C12orf54: variants seen among roughly 807,000 people sequenced by gnomAD.
C12orf54 encodes uncharacterized protein C12orf54.
C12orf54 carries 24 observed loss-of-function variants against 26.4 expected under a neutral mutation model. That is an observed-to-expected ratio of 0.91 (90% CI 0.66 to 1.28). The LOEUF is 1.28. C12orf54 is among the 50% of genes most tolerant of loss of function. C12orf54 has a pLI of 0.00. For missense variants in C12orf54, 154 were observed against 150.9 expected (o/e 1.02, Z -0.11); for synonymous variants, 54 against 47.0 (o/e 1.15, Z -0.61).
the C12orf54 span, among the ~76,000 whole-genome samples, chr12:48,430,703 A>G: frequency 6.6e-6 from 1 of 152,140 alleles, no homozygotes; most frequent in East Asian, 1.9e-4. Flanking sequence ...GCTGGCGGGA[A>G]TGTAAACTAG....
the C12orf54 span, among the ~76,000 whole-genome samples, chr12:48,441,016 A>T: frequency 2.6e-5 from 4 of 152,206 alleles, no homozygotes; most frequent in Non-Finnish European, 5.9e-5. Context: ...CATTGGTTCC[A>T]AATTCTAACA....
chr12:48,464,721 C>T, the C12orf54 span, among the ~76,000 whole-genome samples: 1 of 152,000 alleles, frequency 6.6e-6, no homozygotes, highest in African/African-American at 2.4e-5. Context: ...CAAAAACAGA[C>T]ACATAAACCA....
At chr12:48,473,372 G>T in the C12orf54 span, 9 of 1,052,282 alleles carry the variant, frequency 8.6e-6, no homozygotes, top group Admixed American at 8.0e-5. Flanking sequence ...GGGGTCAGAA[G>T]CGAAAATAAG....
chr12:48,448,709 A>G, the C12orf54 span, among the ~76,000 whole-genome samples: 10 of 152,322 alleles, frequency 6.6e-5, no homozygotes, highest in Middle Eastern at 3.4e-3. Flanking sequence ...GTTTAGTTGT[A>G]GAGGTGAGTG....
At chr12:48,449,236 G>A in the C12orf54 span, among the ~76,000 whole-genome samples, 2 of 152,052 alleles carry the variant, frequency 1.3e-5, no homozygotes, top group African/African-American at 2.4e-5. Context: ...GAGTGGGAAG[G>A]CCTGAAAGAA....
At chr12:48,486,443 G>A in intron 3 of C12orf54, 1 of 623,260 alleles carries the variant, frequency 1.6e-6, no homozygotes, top group Non-Finnish European at 2.9e-6. Context: ...TTGAAAAGAT[G>A]GTAAACAAAT....
chr12:48,428,656 G>C, the C12orf54 span, among the ~76,000 whole-genome samples: 1 of 151,988 alleles, frequency 6.6e-6, no homozygotes, highest in African/African-American at 2.4e-5. Flanking sequence ...ATAACAAGCA[G>C]TGAGATTAAA....
At chr12:48,469,254 T>C in the C12orf54 span, among the ~76,000 whole-genome samples, 1 of 152,146 alleles carries the variant, frequency 6.6e-6, no homozygotes, top group Non-Finnish European at 1.5e-5. Context: ...GAGTATTTCA[T>C]CCTTTATCTA....
the C12orf54 span, chr12:48,472,902 C>T: frequency 1.9e-6 from 3 of 1,614,088 alleles, no homozygotes; most frequent in South Asian, 1.1e-5. Context: ...CTCAGTGGGC[C>T]TAGAAGTATT....
the C12orf54 span, among the ~76,000 whole-genome samples, chr12:48,413,618 C>A: frequency 6.6e-6 from 1 of 152,162 alleles, no homozygotes; most frequent in East Asian, 1.9e-4. Flanking sequence ...TCTTCCCACA[C>A]CCTAGTTGCA....
At chr12:48,473,318 G>C in the C12orf54 span, 1 of 1,175,474 alleles carries the variant, frequency 8.5e-7, no homozygotes, top group African/African-American at 1.5e-5. Context: ...ACAATGGAGA[G>C]GTAGATGATG....
chr12:48,446,483 A>G, the C12orf54 span, among the ~76,000 whole-genome samples: 1 of 152,214 alleles, frequency 6.6e-6, no homozygotes, highest in East Asian at 1.9e-4. Flanking sequence ...GCGCAGGTCT[A>G]GCCATTCAGA....
chr12:48,485,750 C>T lies in C12orf54; in HGVS notation c.66-428C>T, dbSNP rs141184069. Among the ~76,000 whole-genome samples, 687 of 152,148 alleles carry T rather than the reference C, an allele frequency of 4.5e-3. 4 individuals carry two copies. The highest frequency in any genetic ancestry group is 0.016 in the African/African-American group (647 of 41,486). On this transcript the variant is annotated intron_variant, in intron 2 of 8. Transcript: ENST00000548364. Reference sequence around the variant, plus strand: ...CCCATTCCCACCCCATCAGAAGTCACGAAGGAAAAGAACACTTTTTCGGGG... The same window carrying T: ...CCCATTCCCACCCCATCAGAAGTCATGAAGGAAAAGAACACTTTTTCGGGG...
the C12orf54 span, among the ~76,000 whole-genome samples, chr12:48,428,755 C>T: frequency 1.3e-5 from 2 of 152,048 alleles, no homozygotes; most frequent in Admixed American, 6.6e-5. Flanking sequence ...AGAATTGGTA[C>T]CAATCCTATT....
At chr12:48,426,580 C>T in the C12orf54 span, among the ~76,000 whole-genome samples, 1 of 151,956 alleles carries the variant, frequency 6.6e-6, no homozygotes, top group African/African-American at 2.4e-5. Flanking sequence ...CATTTTGGTT[C>T]CGTATGAATT....
intron 7 of C12orf54, among the ~76,000 whole-genome samples, 179 bp from the exon 8 acceptor site, chr12:48,494,619 C>A (rs1351099413): frequency 6.6e-6 from 1 of 152,146 alleles, no homozygotes; most frequent in African/African-American, 2.4e-5. Context: ...GCCCACCCAA[C>A]AAGAGCTTTT....
In C12orf54 at chr12:48,486,681, T is replaced by A; in HGVS notation, c.97-7T>A. 6.2e-7 allele frequency: 1 copy of A among 1,611,602 alleles called. No individual in the cohort carries two copies. The highest frequency in any genetic ancestry group is 8.5e-7 in the Non-Finnish European group (1 of 1,177,758). On this transcript the variant is annotated splice_region_variant and splice_polypyrimidine_tract_variant and intron_variant, in intron 3 of 8. Transcript: ENST00000548364. ...TTGTTTCCAACATTTGTTCCTTATTTCTACAGGAAAAACAGGTAACCATCA... is the reference window on the plus strand; with the variant it reads ...TTGTTTCCAACATTTGTTCCTTATTACTACAGGAAAAACAGGTAACCATCA...
chr12:48,469,532 CA>C, the C12orf54 span, among the ~76,000 whole-genome samples: 22,425 of 152,030 alleles, frequency 0.15, 2,872 homozygotes, highest in East Asian at 0.66. Context: ...ACATGTTTTA[CA>C]AACAATTTGC....
chr12:48,421,187 G>T, the C12orf54 span, among the ~76,000 whole-genome samples: 1 of 152,106 alleles, frequency 6.6e-6, no homozygotes, highest in Non-Finnish European at 1.5e-5. Context: ...TCACAGTTCT[G>T]CAGGGTTTAC....
Sources: gnomAD v4.1 joint callset for allele counts (sites outside exome capture counted in the v4.1 genomes callset) on GRCh38, gnomAD v4.1.1 for gene constraint, MANE v1.5 for transcripts, NCBI Gene and HGNC (gene_info 2026-07-23, HGNC 2026-07-21) for gene names.